ADGRB2: variants seen among roughly 807,000 people sequenced by gnomAD.
ADGRB2 encodes adhesion G protein-coupled receptor B2, also known as brain-specific angiogenesis inhibitor 2.
Under a neutral mutation model 178.7 loss-of-function variants are expected in ADGRB2, and 47 were observed. The observed-to-expected ratio is 0.26, with a 90% CI of 0.21 to 0.34. The LOEUF (loss-of-function observed/expected upper bound fraction) is 0.34. Ranked by LOEUF, ADGRB2 falls within the 10% of genes least tolerant of loss-of-function variation. The probability of loss-of-function intolerance (pLI) is 1.00; values close to 1 mark genes in which losing one functional copy is unlikely to be tolerated. For missense variants in ADGRB2, 1,584 were observed against 2,180.8 expected, an observed-to-expected ratio of 0.73 and a Z score of 5.45; for synonymous variants, 870 against 912.4, an observed-to-expected ratio of 0.95 and a Z score of 0.84.
chr1:31,762,793 G>A (rs1164399143), intron 1 of ADGRB2, among the ~76,000 whole-genome samples: 2 of 152,230 alleles, frequency 1.3e-5, no homozygotes, highest in Non-Finnish European at 2.9e-5. Flanking sequence ...GCGGGAGAAG[G>A]GGTGGCGGGT....
rs375433132 is a variant in ADGRB2 at position 31,727,657 on chromosome 1, T to C, written c.4573-52A>G. 3.5e-6 allele frequency: 5 copies of C among 1,433,470 alleles called. No homozygotes were observed. Among genetic ancestry groups the C allele is most frequent in the Non-Finnish European group, 4.6e-6 (5 of 1,093,886 alleles). 88.8% of individuals were successfully genotyped at this position (1,433,470 alleles called of 1,614,324 possible). On this transcript the variant is annotated intron_variant, in intron 32 of 32. Coordinates refer to ENST00000373658, the MANE Select transcript of ADGRB2 (RefSeq NM_001364857.2). The surrounding 1 kb of genome is among the most constrained non-coding windows in gnomAD (Gnocchi z 4.4). ...GAGATGGGCCAATATCCTTACCCAT[T>C]GTACAGACGATCAAACTGAGGAGTC...
intron 15 of ADGRB2, 124 bp from the exon 16 acceptor site, chr1:31,739,061 C>G: frequency 2.2e-6 from 2 of 929,424 alleles, no homozygotes; most frequent in South Asian, 1.6e-5. Context: ...GAAGGCCTAA[C>G]TCAGTGGGGT....
intron 4 of ADGRB2, among the ~76,000 whole-genome samples, chr1:31,751,466 C>T (rs1233241214): frequency 6.6e-6 from 1 of 152,198 alleles, no homozygotes; most frequent in Non-Finnish European, 1.5e-5. Flanking sequence ...TACATGGTCA[C>T]TTTAATCCTT....
chr1:31,735,152 C>G lies in ADGRB2; in HGVS notation c.3452+31G>C. ...CCCCCCAATTCCTTTGCCCCACCCACCCCCACCGCCCCCCAGGGGGCACGA... is the reference window on the plus strand; with the variant it reads ...CCCCCCAATTCCTTTGCCCCACCCAGCCCCACCGCCCCCCAGGGGGCACGA... On this transcript the variant is annotated intron_variant, in intron 25 of 32. Coordinates refer to ENST00000373658, the MANE Select transcript of ADGRB2 (RefSeq NM_001364857.2). The surrounding 1 kb of genome is among the most constrained non-coding windows in gnomAD (Gnocchi z 6.0). The G allele has an allele frequency of 7.1e-7, 1 of 1,407,132 alleles. No homozygotes were observed. The highest frequency in any genetic ancestry group is 9.3e-7 in the Non-Finnish European group (1 of 1,071,848). 87.2% of individuals were successfully genotyped at this position (1,407,132 alleles called of 1,614,324 possible).
In ADGRB2 at chr1:31,759,898, C is replaced by G. The variant is rs1306761895; in HGVS notation, c.-190-2387G>C. 2.0e-5 allele frequency among the ~76,000 whole-genome samples: 3 copies of G among 152,282 alleles called. No individual in the cohort carries two copies. Among genetic ancestry groups the G allele is most frequent in the African/African-American group, 7.2e-5 (3 of 41,554 alleles). On this transcript the variant is annotated intron_variant, in intron 1 of 32. Coordinates refer to ENST00000373658, the MANE Select transcript of ADGRB2 (RefSeq NM_001364857.2). This position sits in a 1 kb window ranked among gnomAD's most constrained non-coding sequence, Gnocchi z 4.3. Reference sequence around the variant, plus strand: ...CTTAGTCATGATTAACCCCCCTGAGCCTGTTTCCCTCTCTGTGCAATGCAG... The same window carrying G: ...CTTAGTCATGATTAACCCCCCTGAGGCTGTTTCCCTCTCTGTGCAATGCAG...
intron 1 of ADGRB2, among the ~76,000 whole-genome samples, chr1:31,760,188 T>G (rs1368558853): frequency 6.6e-6 from 1 of 152,162 alleles, no homozygotes; most frequent in East Asian, 1.9e-4. Context: ...AAGTCAGCTC[T>G]GAGGAAGAAC....
chr1:31,746,010 T>A (rs1210588739), intron 4 of ADGRB2, among the ~76,000 whole-genome samples: 1 of 152,138 alleles, frequency 6.6e-6, no homozygotes, highest in Non-Finnish European at 1.5e-5. Flanking sequence ...AATTTCTCCA[T>A]CTCTGAAACC....
rs140777869 is a variant in ADGRB2 at position 31,732,535 on chromosome 1, G to C, written c.3702C>G (p.Asn1234Lys). 1 of 1,614,140 alleles carries C rather than the reference G, an allele frequency of 6.2e-7. No individual in the cohort carries two copies. Among genetic ancestry groups the C allele is most frequent in the South Asian group, 1.1e-5 (1 of 91,090 alleles). The change falls in exon 27 of 33, where the codon AAC becomes AAG. Residue 1234 changes from asparagine to lysine, a missense_variant. By Grantham distance (94) the Asn-to-Lys change is moderately conservative. Coordinates refer to ENST00000373658, the MANE Select transcript of ADGRB2 (RefSeq NM_001364857.2). ...AACTCACCAGGATCTGCAGCTGCCC[G>C]TTCTTACACGAGTCAGGGGAGTCTT... ...ESEDSPDSCK[N>K]GQLQILSDFE... is the part of the protein sequence containing the mutation.
At position 31,738,568 on chromosome 1, in the gene ADGRB2, G is replaced by A; in HGVS notation, c.2645+19C>T. On this transcript the variant is annotated intron_variant, in intron 17 of 32. Transcript: ENST00000373658. ...CTAGGGCTGCTCCCTTCCTCACCCAGAGGAGCCACCCAACTCACGCTCTGG... is the reference window on the plus strand; with the variant it reads ...CTAGGGCTGCTCCCTTCCTCACCCAAAGGAGCCACCCAACTCACGCTCTGG... 2 of 1,602,500 alleles carry A rather than the reference G, an allele frequency of 1.2e-6. No homozygotes were observed. The highest frequency in any genetic ancestry group is 8.5e-7 in the Non-Finnish European group (1 of 1,174,276).
intron 26 of ADGRB2, 96 bp from the exon 27 acceptor site, chr1:31,732,708 G>C: frequency 7.1e-7 from 1 of 1,407,606 alleles, no homozygotes; most frequent in South Asian, 1.2e-5. Flanking sequence ...GGCAAGTGTA[G>C]AAGGAAGGCA....
chr1:31,731,834 T>C (rs1346265676), intron 28 of ADGRB2, among the ~76,000 whole-genome samples: 1 of 152,208 alleles, frequency 6.6e-6, no homozygotes, highest in African/African-American at 2.4e-5. Context: ...AAGAACTCGA[T>C]GTCCCCGAAT....
intron 3 of ADGRB2, 124 bp downstream of exon 3, chr1:31,757,077 G>T: frequency 6.6e-7 from 1 of 1,510,654 alleles, no homozygotes; most frequent in Non-Finnish European, 9.2e-7. Context: ...ACTCGCGAGA[G>T]TGCCTGGAAT....
rs1353433479 is a variant in ADGRB2 at position 31,733,652 on chromosome 1, A to G, written c.3453-509T>C. ...GCACGCGGGGGACATCCAGAGCACG[A>G]ATCCTCAGGGAGAAGACAGGGGGCC... On this transcript the variant is annotated intron_variant, in intron 25 of 32. Transcript: ENST00000373658. The surrounding 1 kb of genome is among the most constrained non-coding windows in gnomAD (Gnocchi z 4.3). 6.6e-6 allele frequency among the ~76,000 whole-genome samples: 1 copy of G among 152,166 alleles called. No individual in the cohort carries two copies. Among genetic ancestry groups the G allele is most frequent in the Non-Finnish European group, 1.5e-5 (1 of 68,030 alleles).
Position 31,727,176 on chromosome 1 carries a change from GGGAC to G in ADGRB2, c.*240_*243del. 2 of 468,920 alleles carry G rather than the reference GGGAC, an allele frequency of 4.3e-6. No individual in the cohort carries two copies. 29.0% of individuals were successfully genotyped at this position (468,920 alleles called of 1,614,324 possible). ...CCTCCCCCCTCCCCAGCCCGGGACA[GGGAC>G]GGACAGGCTGGGCTGAAGATGGGGT... On this transcript the variant is annotated 3_prime_UTR_variant, in exon 33 of 33. Coordinates refer to ENST00000373658, the MANE Select transcript of ADGRB2 (RefSeq NM_001364857.2). The surrounding 1 kb of genome is among the most constrained non-coding windows in gnomAD (Gnocchi z 4.4).
chr1:31,731,528 A>C, intron 28 of ADGRB2, 109 bp from the exon 29 acceptor site: 1 of 1,367,844 alleles, frequency 7.3e-7, no homozygotes, highest in South Asian at 1.5e-5. Flanking sequence ...ACAGGAAAGG[A>C]AACTGGGTCC....
intron 3 of ADGRB2, 79 bp downstream of exon 3, chr1:31,757,121 GC>G: frequency 6.2e-7 from 1 of 1,602,454 alleles, no homozygotes. Context: ...AGTTGTTGTT[GC>G]CATCGTTCTG....
chr1:31,739,234 G>A, intron 15 of ADGRB2, 74 bp downstream of exon 15: 2 of 1,383,718 alleles, frequency 1.4e-6, no homozygotes, highest in Non-Finnish European at 1.9e-6. Context: ...AGCCAGCACT[G>A]GCTCAGTCCT....
At chr1:31,737,943 C>T (rs1391306608) in intron 18 of ADGRB2, among the ~76,000 whole-genome samples, 188 bp from the exon 19 acceptor site, 1 of 152,140 alleles carries the variant, frequency 6.6e-6, no homozygotes, top group Non-Finnish European at 1.5e-5. Context: ...GCTCAGTCAC[C>T]TGCACTCTTC....
intron 4 of ADGRB2, among the ~76,000 whole-genome samples, chr1:31,749,058 C>T (rs1426976427): frequency 6.6e-6 from 1 of 152,234 alleles, no homozygotes; most frequent in Admixed American, 6.5e-5. Flanking sequence ...GACACCTTCC[C>T]TAATTTGCAT....
Sources: allele counts gnomAD v4.1 joint callset (sites outside exome capture counted in the v4.1 genomes callset), GRCh38; gene constraint gnomAD v4.1.1; non-coding constraint Gnocchi (gnomAD v3.1); transcripts MANE v1.5; gene names NCBI Gene and HGNC (gene_info 2026-07-23, HGNC 2026-07-21).